PSORS1C1: variants seen among roughly 807,000 people sequenced by gnomAD.
PSORS1C1 encodes psoriasis susceptibility 1 candidate gene 1 protein.
Under a neutral mutation model 9.4 loss-of-function variants are expected in PSORS1C1, and 7 were observed. The ratio of observed to expected loss-of-function variants is 0.75; its 90% CI spans 0.42 to 1.40. The LOEUF (loss-of-function observed/expected upper bound fraction) is 1.40, where lower values mean the gene tolerates loss of function less well. PSORS1C1 is among the 40% of genes most tolerant of loss of function. PSORS1C1 has a pLI of 0.01. For missense variants in PSORS1C1, 146 were observed against 178.1 expected (o/e 0.82, Z 1.02); for synonymous variants, 63 against 69.4 (o/e 0.91, Z 0.46).
chr6:31,127,054 A>G (rs1772712455), intron 2 of PSORS1C1, among the ~76,000 whole-genome samples: 1 of 152,164 alleles, frequency 6.6e-6, no homozygotes, highest in Admixed American at 6.5e-5. Flanking sequence ...CATTCTTTCC[A>G]CTAGGGCTAT....
rs1037652402 is a variant in PSORS1C1 at position 31,128,499 on chromosome 6, A to G, written c.-64-1070A>G. Among the ~76,000 whole-genome samples the G allele has an allele frequency of 6.6e-6, 1 of 151,594 alleles. No individual in the cohort carries two copies. Among genetic ancestry groups the G allele is most frequent in the African/African-American group, 2.4e-5 (1 of 41,184 alleles). ...CTGCCTGCCCCCATCACAGGAGTTG[A>G]GATTATACTGCAAAAGGAAAGGTGG... On this transcript the variant is annotated intron_variant, in intron 2 of 5. Coordinates refer to ENST00000259881, the MANE Select transcript of PSORS1C1 (RefSeq NM_014068.3). The surrounding 1 kb of genome is among the most constrained non-coding windows in gnomAD (Gnocchi z 4.3).
intron 1 of PSORS1C1, chr6:31,118,383 G>A (rs1340095647): frequency 6.6e-6 from 1 of 152,504 alleles, no homozygotes; most frequent in Non-Finnish European, 1.5e-5. Flanking sequence ...GCTGGTACCA[G>A]TGTGTCAGGA....
chr6:31,139,781 TGGCTCCGGAAGAAGCTGCCA>T lies in PSORS1C1; in HGVS notation c.315_334del (p.Glu106AlafsTer17). 2 of 1,613,074 alleles carry T rather than the reference TGGCTCCGGAAGAAGCTGCCA, an allele frequency of 1.2e-6. No homozygotes were observed. Among genetic ancestry groups the T allele is most frequent in the African/African-American group, 1.3e-5 (1 of 75,044 alleles). ...GAGCTGTTTGCATCAGTCCTGCCAATGGCTCCGGAAGAAGCTGCCAGGCTCCAGCAACCTCAGCCCCTTCC... is the reference window on the plus strand; with the variant it reads ...GAGCTGTTTGCATCAGTCCTGCCAATGGCTCCAGCAACCTCAGCCCCTTCC... On this transcript the variant is annotated frameshift_variant, in exon 6 of 6. Transcript: ENST00000259881. LOFTEE classifies it low-confidence loss of function (END_TRUNC). This position sits in a 1 kb window ranked among gnomAD's most constrained non-coding sequence, Gnocchi z 5.2.
chr6:31,132,916 A>T (rs1772981943), intron 3 of PSORS1C1, among the ~76,000 whole-genome samples: 1 of 150,448 alleles, frequency 6.6e-6, no homozygotes, highest in Non-Finnish European at 1.5e-5. Flanking sequence ...ACCCAAGCAC[A>T]TGAGTGGAAC....
chr6:31,134,001 T>C (rs3130565), intron 3 of PSORS1C1, among the ~76,000 whole-genome samples: 116,253 of 151,910 alleles, frequency 0.77, 45,146 homozygotes, highest in East Asian at 0.89. Context: ...TTTTCTGAGA[T>C]GGGGTCTTGC....
intron 1 of PSORS1C1, among the ~76,000 whole-genome samples, chr6:31,123,881 A>C (rs1772566929): frequency 6.6e-6 from 1 of 152,212 alleles, no homozygotes; most frequent in Non-Finnish European, 1.5e-5. Context: ...CCTAGAGTGG[A>C]GAAGCGGGTA....
chr6:31,135,764 C>A (rs1034119481), intron 3 of PSORS1C1, among the ~76,000 whole-genome samples: 1 of 152,056 alleles, frequency 6.6e-6, no homozygotes, highest in Non-Finnish European at 1.5e-5. Context: ...TGGTCAGGCG[C>A]GGTGGCTCGT....
At chr6:31,120,253 C>A in intron 1 of PSORS1C1, 2 of 1,088,562 alleles carry the variant, frequency 1.8e-6, no homozygotes, top group African/African-American at 1.6e-5. Context: ...ATTCCAGAGC[C>A]CCTGCCTGTC....
At chr6:31,122,339 C>T (rs530199551) in intron 1 of PSORS1C1, among the ~76,000 whole-genome samples, 1 of 152,284 alleles carries the variant, frequency 6.6e-6, no homozygotes, top group East Asian at 1.9e-4. Flanking sequence ...CTGGGGGAGA[C>T]AAATAGGCCA....
intron 3 of PSORS1C1, 29 bp from the exon 4 acceptor site, chr6:31,138,401 G>A: frequency 7.5e-7 from 1 of 1,325,792 alleles, no homozygotes; most frequent in Non-Finnish European, 1.0e-6. Context: ...CTGTCTGGAT[G>A]GACGCAGCCT....
rs545922714 is a variant in PSORS1C1 at position 31,129,574 on chromosome 6, G to A, written c.-59G>A. On this transcript the variant is annotated 5_prime_UTR_variant, in exon 3 of 6. Coordinates refer to ENST00000259881, the MANE Select transcript of PSORS1C1 (RefSeq NM_014068.3). ...TCACCTACCTGCCATGTCAGCCTGGGAAGAATTGGTTTGCAGCCAGGCAGT... is the reference window on the plus strand; with the variant it reads ...TCACCTACCTGCCATGTCAGCCTGGAAAGAATTGGTTTGCAGCCAGGCAGT... 33 of 778,606 alleles carry A rather than the reference G, an allele frequency of 4.2e-5. No homozygotes were observed. Among genetic ancestry groups the A allele is most frequent in the Non-Finnish European group, 6.7e-5 (28 of 417,568 alleles). The allele number at this position is 778,606 out of a possible 1,614,324, so 48.2% of individuals were successfully genotyped here.
intron 1 of PSORS1C1, among the ~76,000 whole-genome samples, chr6:31,123,924 C>T (rs1772568787): frequency 6.6e-6 from 1 of 152,054 alleles, no homozygotes; most frequent in Non-Finnish European, 1.5e-5. Context: ...GCAGGACTTT[C>T]CCCGGGCCTT....
At chr6:31,118,291 A>G (rs1772275090) in intron 1 of PSORS1C1, 1 of 152,402 alleles carries the variant, frequency 6.6e-6, no homozygotes, top group Admixed American at 6.5e-5. Context: ...TGGAAACCCT[A>G]TTTCCTATCT....
rs564806482 is a variant in PSORS1C1 at position 31,116,771 on chromosome 6, G to T, written c.-229+1880G>T. On this transcript the variant is annotated intron_variant, in intron 1 of 5. Transcript: ENST00000259881. Reference sequence around the variant, plus strand: ...TCTACAGAGGTGATTGGGGGACAGGGCTTGCCTGGAAGGCCACCATTGCTA... The same window carrying T: ...TCTACAGAGGTGATTGGGGGACAGGTCTTGCCTGGAAGGCCACCATTGCTA... The T allele has an allele frequency of 8.7e-5, 141 of 1,613,344 alleles. No homozygotes were observed. The East Asian group carries it at 3.1e-3, about 35-fold the overall frequency.
chr6:31,123,589 C>T (rs1315021714), intron 1 of PSORS1C1, among the ~76,000 whole-genome samples: 1 of 152,176 alleles, frequency 6.6e-6, no homozygotes, highest in African/African-American at 2.4e-5. Flanking sequence ...GTGTGGGTGG[C>T]GTAGACACTC....
chr6:31,122,273 C>A (rs9468871), intron 1 of PSORS1C1, among the ~76,000 whole-genome samples: 3,858 of 152,270 alleles, frequency 0.025, 126 homozygotes, highest in African/African-American at 0.075. Context: ...GTGCAGTCCC[C>A]CAGTAGGAAG....
intron 1 of PSORS1C1, chr6:31,117,067 T>C: frequency 1.9e-6 from 3 of 1,614,180 alleles, no homozygotes; most frequent in Non-Finnish European, 2.5e-6. Context: ...TATTCCGCGG[T>C]AAGAGTTGTC....
At chr6:31,134,295 T>C (rs1028985059) in intron 3 of PSORS1C1, among the ~76,000 whole-genome samples, 1 of 150,678 alleles carries the variant, frequency 6.6e-6, no homozygotes, top group African/African-American at 2.4e-5. Context: ...GTGTAGTTTT[T>C]TGGTTTTTTA....
chr6:31,134,597 G>A (rs181527539), intron 3 of PSORS1C1, among the ~76,000 whole-genome samples: 50 of 152,210 alleles, frequency 3.3e-4, no homozygotes, highest in Middle Eastern at 3.4e-3. Context: ...GAGCCACCGC[G>A]CCTGGCCTCT....
Sources: gnomAD v4.1 joint callset for allele counts (sites outside exome capture counted in the v4.1 genomes callset) on GRCh38, gnomAD v4.1.1 for gene constraint, Gnocchi (gnomAD v3.1) non-coding constraint, MANE v1.5 for transcripts, NCBI Gene and HGNC (gene_info 2026-07-23, HGNC 2026-07-21) for gene names.